Variants in CD8B2 observed in about 807,000 individuals in gnomAD.
CD8B2 encodes CD8B family member 2, also known as T-cell surface glycoprotein CD8 beta-2 chain.
A neutral mutation model predicts 23.7 loss-of-function variants in CD8B2; 11 were observed. The ratio of observed to expected loss-of-function variants is 0.46; its 90% CI spans 0.29 to 0.77. CD8B2 has a LOEUF of 0.77. CD8B2 is among the 30% of genes least tolerant of loss of function. The pLI, the probability that CD8B2 is intolerant of heterozygous loss-of-function variation, is 0.09. For synonymous variants in CD8B2, 90 were observed against 109.3 expected (o/e 0.82, Z 1.10); for missense variants, 197 against 270.5 (o/e 0.73, Z 1.91).
chr2:106,517,102 T>G (rs947014050), intron 5 of CD8B2, among the ~76,000 whole-genome samples: 1 of 151,402 alleles, frequency 6.6e-6, no homozygotes, highest in African/African-American at 2.4e-5. Context: ...AATATTCATT[T>G]ATTACTCAAA....
At chr2:106,493,659 C>A (rs191593007) in intron 2 of CD8B2, among the ~76,000 whole-genome samples, 2 of 152,310 alleles carry the variant, frequency 1.3e-5, no homozygotes, top group African/African-American at 4.8e-5. Flanking sequence ...TAGTTGCCCT[C>A]AGCACTATGA....
At chr2:106,530,201 T>C (rs138032921) in intron 5 of CD8B2, among the ~76,000 whole-genome samples, 24 of 152,312 alleles carry the variant, frequency 1.6e-4, no homozygotes, top group African/African-American at 5.1e-4. Flanking sequence ...GAAGGACGGA[T>C]CCCAGAACTA....
At chr2:106,505,017 C>T (rs764650172) in intron 5 of CD8B2, among the ~76,000 whole-genome samples, 8 of 152,176 alleles carry the variant, frequency 5.3e-5, no homozygotes, top group Non-Finnish European at 5.9e-5. Flanking sequence ...GCTGAGAAAG[C>T]GCCTGTACTT....
chr2:106,487,630 T>C (rs963416999), intron 1 of CD8B2, among the ~76,000 whole-genome samples, 161 bp downstream of exon 1: 1 of 150,946 alleles, frequency 6.6e-6, no homozygotes, highest in Non-Finnish European at 1.5e-5. Context: ...TCCCTAAGGG[T>C]GGAAATAAAA....
rs561342302 is a variant in CD8B2, at chr2:106,530,103, A to G, written c.621-13889A>G. Among the ~76,000 whole-genome samples the G allele has an allele frequency of 4.6e-5, 7 of 152,338 alleles. No individual in the cohort carries two copies. The East Asian group carries it at 1.2e-3, about 25-fold the overall frequency. ...ATGCCAGCATGGCTCTGCTGCCGGTATGAGGACTGCAGCAGTTACCTGAAG... is the reference window on the plus strand; with the variant it reads ...ATGCCAGCATGGCTCTGCTGCCGGTGTGAGGACTGCAGCAGTTACCTGAAG... On this transcript the variant is annotated intron_variant, in intron 5 of 5. Transcript: ENST00000416057.
chr2:106,522,589 T>A (rs1437102792), intron 5 of CD8B2, among the ~76,000 whole-genome samples: 1 of 152,170 alleles, frequency 6.6e-6, no homozygotes, highest in Non-Finnish European at 1.5e-5. Flanking sequence ...CTGGGGTCCC[T>A]TTAGCAGCTG....
At chr2:106,536,872 G>T (rs1680098364) in intron 5 of CD8B2, among the ~76,000 whole-genome samples, 1 of 152,174 alleles carries the variant, frequency 6.6e-6, no homozygotes, top group Non-Finnish European at 1.5e-5. Context: ...TGCCCTCACT[G>T]GACTGACAGC....
intron 5 of CD8B2, among the ~76,000 whole-genome samples, chr2:106,531,781 C>G (rs926157617): frequency 2.6e-5 from 4 of 152,216 alleles, no homozygotes; most frequent in Non-Finnish European, 5.9e-5. Context: ...CCTGCACTTT[C>G]TTCCCCAACC....
At chr2:106,493,460 G>T (rs1347662164) in intron 2 of CD8B2, among the ~76,000 whole-genome samples, 5 of 152,098 alleles carry the variant, frequency 3.3e-5, no homozygotes, top group African/African-American at 1.2e-4. Context: ...GGCACTGAGG[G>T]CCCAAAGAGT....
chr2:106,516,288 C>T (rs949643463), intron 5 of CD8B2, among the ~76,000 whole-genome samples: 5 of 152,192 alleles, frequency 3.3e-5, no homozygotes, highest in African/African-American at 1.2e-4. Context: ...AAGGTACTTA[C>T]AAATCCTGAA....
At chr2:106,493,828 A>G (rs368893683) in intron 2 of CD8B2, among the ~76,000 whole-genome samples, 2 of 152,162 alleles carry the variant, frequency 1.3e-5, no homozygotes, top group South Asian at 2.1e-4. Context: ...CTTTGGGCAC[A>G]TTGTTTCAGC....
chr2:106,530,168 T>C (rs550109442), intron 5 of CD8B2, among the ~76,000 whole-genome samples: 44 of 152,292 alleles, frequency 2.9e-4, no homozygotes, highest in Admixed American at 6.5e-4. Context: ...CATTTCAGTA[T>C]TGTAACTAAG....
At chr2:106,542,171 C>T (rs1680184532) in intron 5 of CD8B2, among the ~76,000 whole-genome samples, 1 of 152,242 alleles carries the variant, frequency 6.6e-6, no homozygotes. Context: ...GGGACTTCAG[C>T]CCTTGTAGAG....
chr2:106,526,809 C>T (rs958551095), intron 5 of CD8B2, among the ~76,000 whole-genome samples: 2 of 152,060 alleles, frequency 1.3e-5, no homozygotes, highest in Non-Finnish European at 2.9e-5. Flanking sequence ...GCCACCATAC[C>T]CAGTTAATTT....
chr2:106,519,316 C>T (rs1480841431), intron 5 of CD8B2, among the ~76,000 whole-genome samples: 1 of 152,192 alleles, frequency 6.6e-6, no homozygotes, highest in African/African-American at 2.4e-5. Context: ...GACTGCCTGG[C>T]TGTCTGTGCC....
chr2:106,525,730 T>C lies in CD8B2; in HGVS notation c.621-18262T>C, dbSNP rs191841230. ...TATATAAATAATGTATAATATGGCC[T>C]TTTGTGACTGGCTTTTCATTTAGCA... On this transcript the variant is annotated intron_variant, in intron 5 of 5. Transcript: ENST00000416057. 6.6e-5 allele frequency among the ~76,000 whole-genome samples: 10 copies of C among 152,334 alleles called. No individual in the cohort carries two copies. The East Asian group carries it at 1.9e-3, about 29-fold the overall frequency.
At chr2:106,501,389 T>C (rs1014696384) in intron 3 of CD8B2, among the ~76,000 whole-genome samples, 2 of 152,076 alleles carry the variant, frequency 1.3e-5, no homozygotes, top group Non-Finnish European at 2.9e-5. Context: ...TTTAAAACTA[T>C]ATGTATTTAA....
intron 1 of CD8B2, among the ~76,000 whole-genome samples, chr2:106,490,208 T>A (rs1034184201): frequency 3.9e-5 from 6 of 152,098 alleles, no homozygotes; most frequent in African/African-American, 1.4e-4. Flanking sequence ...ACCGAAGGGC[T>A]GTACATCCAG....
chr2:106,528,414 T>G (rs1054456983), intron 5 of CD8B2, among the ~76,000 whole-genome samples: 23 of 152,224 alleles, frequency 1.5e-4, no homozygotes, highest in African/African-American at 5.5e-4. Flanking sequence ...GTTAGTTCTA[T>G]ATCTACTTGG....
Sources: allele counts gnomAD v4.1 joint callset (sites outside exome capture counted in the v4.1 genomes callset), GRCh38; gene constraint gnomAD v4.1.1; transcripts MANE v1.5; gene names NCBI Gene and HGNC (gene_info 2026-07-23, HGNC 2026-07-21).